Variants in TAF4B observed in about 807,000 individuals in gnomAD.
TAF4B encodes the protein transcription initiation factor TFIID subunit 4B.
In TAF4B, 38 loss-of-function variants were observed where a neutral mutation model predicts 86.4. That is an observed-to-expected ratio of 0.44 (90% CI 0.34 to 0.58). TAF4B has a LOEUF of 0.58. Among genes scored for constraint, TAF4B ranks in the 20% least tolerant of loss-of-function variants. The pLI is 0.02. For missense variants in TAF4B, 988 were observed against 1,027.6 expected (o/e 0.96, Z 0.53); for synonymous variants, 388 against 391.2 (o/e 0.99, Z 0.10).
intron 5 of TAF4B, among the ~76,000 whole-genome samples, chr18:26,275,652 C>G (rs1038986482): frequency 1.3e-5 from 2 of 152,004 alleles, no homozygotes; most frequent in Admixed American, 1.3e-4. Context: ...ATCAGTCTTG[C>G]CTCCCTTACT....
At chr18:26,282,791 C>T (rs950754737) in intron 6 of TAF4B, among the ~76,000 whole-genome samples, 9 of 152,178 alleles carry the variant, frequency 5.9e-5, no homozygotes, top group African/African-American at 2.2e-4. Context: ...TTCTCTCATA[C>T]CCTGCCATTG....
chr18:26,354,633 GA>G (rs1429621365), intron 13 of TAF4B, among the ~76,000 whole-genome samples: 19 of 152,308 alleles, frequency 1.2e-4, no homozygotes. Context: ...AGAGGGCTCA[GA>G]AGTTTGGTCA....
intron 1 of TAF4B, among the ~76,000 whole-genome samples, chr18:26,250,270 G>A (rs769269892): frequency 9.9e-5 from 15 of 152,146 alleles, no homozygotes; most frequent in Non-Finnish European, 1.8e-4. Flanking sequence ...GGCCGAGGCA[G>A]GCGGATCACG....
At chr18:26,363,479 A>G (rs1242829654) in intron 14 of TAF4B, among the ~76,000 whole-genome samples, 3 of 151,528 alleles carry the variant, frequency 2.0e-5, no homozygotes, top group Non-Finnish European at 4.4e-5. Flanking sequence ...CAGGAGGTCA[A>G]GGCTGCAGTG....
intron 1 of TAF4B, among the ~76,000 whole-genome samples, chr18:26,260,691 A>C (rs527391892): frequency 6.6e-5 from 10 of 151,826 alleles, no homozygotes; most frequent in Non-Finnish European, 8.8e-5. Flanking sequence ...CTACAGATTT[A>C]TCTCCAAGTT....
At chr18:26,228,275 T>TA (rs1422364221) in intron 1 of TAF4B, among the ~76,000 whole-genome samples, 2 of 152,168 alleles carry the variant, frequency 1.3e-5, no homozygotes, top group East Asian at 3.8e-4. Flanking sequence ...GCAAAGATGG[T>TA]AAAAAAGGGG....
At chr18:26,260,921 C>T (rs1568111244) in intron 1 of TAF4B, among the ~76,000 whole-genome samples, 1 of 152,134 alleles carries the variant, frequency 6.6e-6, no homozygotes, top group Non-Finnish European at 1.5e-5. Context: ...ATCTGTCTCA[C>T]AGGTGGTTTC....
At position 26,280,915 on chromosome 18, in the gene TAF4B, G is replaced by A. The variant is rs76390252; in HGVS notation, c.883-1056G>A. ...GAATCAGCAGAGGTGTTAATTGACA[G>A]TGGGTTGGATAAATAAAAAGTGGTA... On this transcript the variant is annotated intron_variant, in intron 5 of 14. Coordinates refer to ENST00000269142, the MANE Select transcript of TAF4B (RefSeq NM_005640.3). Among the ~76,000 whole-genome samples the A allele has an allele frequency of 5.5e-4, 83 of 152,274 alleles. No individual in the cohort carries two copies. In the East Asian group the frequency reaches 0.013, roughly 23 times the overall value.
chr18:26,327,724 C>T (rs1433761608), intron 12 of TAF4B, among the ~76,000 whole-genome samples: 1 of 152,114 alleles, frequency 6.6e-6, no homozygotes, highest in Non-Finnish European at 1.5e-5. Context: ...TGCCTGCCAC[C>T]ACGCCTGGCT....
At position 26,351,433 on chromosome 18, in the gene TAF4B, G is replaced by A. The variant is rs1423375238; in HGVS notation, c.2317-6257G>A. ...ACAAAATTACAGCTAGATAGGAGAA[G>A]TAAGTTCTATAGCACTGTAGGATGA... On this transcript the variant is annotated intron_variant, in intron 13 of 14. Transcript: ENST00000269142. Among the ~76,000 whole-genome samples, 3 of 152,208 alleles carry A rather than the reference G, an allele frequency of 2.0e-5. No individual in the cohort carries two copies. In the South Asian group the frequency reaches 6.2e-4, roughly 32 times the overall value.
At chr18:26,348,685 G>GGA (rs1161197545) in intron 13 of TAF4B, 1 of 153,122 alleles carries the variant, frequency 6.5e-6, no homozygotes, top group Non-Finnish European at 1.5e-5. Flanking sequence ...AATCCATAAG[G>GGA]GAGAGAAACC....
chr18:26,271,360 A>T (rs1368392431), intron 3 of TAF4B, among the ~76,000 whole-genome samples: 1 of 152,248 alleles, frequency 6.6e-6, no homozygotes, highest in Admixed American at 6.5e-5. Context: ...TAGTATTTCT[A>T]ATTAAATGTG....
At chr18:26,298,694 A>G (rs1376747598) in intron 9 of TAF4B, among the ~76,000 whole-genome samples, 1 of 151,546 alleles carries the variant, frequency 6.6e-6, no homozygotes, top group Non-Finnish European at 1.5e-5. Context: ...TACCATGCCC[A>G]AGTAACTTTT....
chr18:26,244,219 C>A (rs1356491700), intron 1 of TAF4B, among the ~76,000 whole-genome samples: 1 of 152,180 alleles, frequency 6.6e-6, no homozygotes, highest in Non-Finnish European at 1.5e-5. Flanking sequence ...CTGCAGTGGG[C>A]TCCACCCAGT....
At chr18:26,385,619 A>G (rs956184457) in intron 14 of TAF4B, among the ~76,000 whole-genome samples, 6 of 151,768 alleles carry the variant, frequency 4.0e-5, no homozygotes, top group Admixed American at 2.6e-4. Context: ...AGAAAGTTAC[A>G]TGGGAAAACC....
intron 1 of TAF4B, among the ~76,000 whole-genome samples, chr18:26,240,757 A>C (rs185530629): frequency 1.3e-5 from 2 of 152,100 alleles, no homozygotes; most frequent in African/African-American, 2.4e-5. Flanking sequence ...GAGATACGTC[A>C]CATCAATACC....
chr18:26,333,457 T>C (rs1015456541), intron 12 of TAF4B, among the ~76,000 whole-genome samples: 9 of 152,126 alleles, frequency 5.9e-5, no homozygotes, highest in Admixed American at 5.9e-4. Context: ...TGATAATAGC[T>C]CTCTACAGGC....
chr18:26,380,748 G>A (rs2057472719), intron 14 of TAF4B, among the ~76,000 whole-genome samples: 1 of 150,506 alleles, frequency 6.6e-6, no homozygotes, highest in Admixed American at 6.6e-5. Context: ...CCTTATCTGT[G>A]TCTTTGTTTA....
Position 26,226,917 on chromosome 18 carries a change from C to G in TAF4B, c.-17C>G, listed in dbSNP as rs1411647637. ...CCCGGAACCGCAGCGCCAAAGCTGC[C>G]GCTGAGCCCCTGGGGGATGCCCGCC... On this transcript the variant is annotated 5_prime_UTR_variant, in exon 1 of 15. Coordinates refer to ENST00000269142, the MANE Select transcript of TAF4B (RefSeq NM_005640.3). The G allele has an allele frequency of 6.7e-6, 9 of 1,352,262 alleles. No homozygotes were observed. The highest frequency in any genetic ancestry group is 4.1e-5 in the Admixed American group (1 of 24,198). 83.8% of individuals were successfully genotyped at this position (1,352,262 alleles called of 1,614,324 possible). A position where few individuals can be genotyped will look rare whatever the true frequency, so the allele number is the denominator to read the frequency against.
Sources: gnomAD v4.1 joint callset for allele counts (sites outside exome capture counted in the v4.1 genomes callset) on GRCh38, gnomAD v4.1.1 for gene constraint, MANE v1.5 for transcripts, NCBI Gene and HGNC (gene_info 2026-07-23, HGNC 2026-07-21) for gene names.